The following FAM171A1 variants were observed in gnomAD, a reference collection of about 807,000 sequenced individuals.
FAM171A1 encodes protein FAM171A1.
FAM171A1 carries 23 observed loss-of-function variants against 74.9 expected under a neutral mutation model. That is an observed-to-expected ratio of 0.31 (90% CI 0.22 to 0.44). FAM171A1 has a LOEUF of 0.44. FAM171A1 is among the 20% of genes least tolerant of loss of function. The probability of loss-of-function intolerance (pLI) is 1.00; values close to 1 mark genes in which losing one functional copy is unlikely to be tolerated. For missense variants in FAM171A1, 1,162 were observed against 1,159.2 expected (o/e 1.00, Z -0.03); for synonymous variants, 527 against 505.7 (o/e 1.04, Z -0.57).
At chr10:15,250,971 C>T (rs1229565295) in intron 4 of FAM171A1, among the ~76,000 whole-genome samples, 2 of 152,174 alleles carry the variant, frequency 1.3e-5, no homozygotes, top group Admixed American at 6.5e-5. Flanking sequence ...TCCCTTGTCA[C>T]CTTTCAACTC....
intron 1 of FAM171A1, among the ~76,000 whole-genome samples, chr10:15,294,168 C>T (rs1424175520): frequency 6.6e-6 from 1 of 152,186 alleles, no homozygotes; most frequent in Non-Finnish European, 1.5e-5. Flanking sequence ...TGTGTGCTAC[C>T]CAAAAGCTGT....
chr10:15,364,685 G>C (rs2131892685), intron 1 of FAM171A1, among the ~76,000 whole-genome samples: 1 of 152,346 alleles, frequency 6.6e-6, no homozygotes, highest in Non-Finnish European at 1.5e-5. Flanking sequence ...CTAAAGCCAA[G>C]ATGTCAGCAA....
chr10:15,322,609 T>C (rs1466798393), intron 1 of FAM171A1, among the ~76,000 whole-genome samples: 1 of 152,158 alleles, frequency 6.6e-6, no homozygotes, highest in Non-Finnish European at 1.5e-5. Flanking sequence ...ATAGTAACTG[T>C]TCATGTTTCA....
chr10:15,257,483 C>A (rs547143671), intron 3 of FAM171A1, among the ~76,000 whole-genome samples: 2 of 152,164 alleles, frequency 1.3e-5, no homozygotes, highest in Admixed American at 1.3e-4. Flanking sequence ...CGTGCCTTCT[C>A]GAGCAGATCA....
chr10:15,274,903 C>G (rs1294551317), intron 3 of FAM171A1, among the ~76,000 whole-genome samples: 9 of 152,068 alleles, frequency 5.9e-5, no homozygotes, highest in Non-Finnish European at 1.2e-4. Flanking sequence ...ACATGTACAC[C>G]ATGGAATACT....
intron 4 of FAM171A1, 45 bp from the exon 5 acceptor site, chr10:15,248,860 A>G (rs1166778372): frequency 1.3e-6 from 2 of 1,554,210 alleles, no homozygotes; most frequent in Non-Finnish European, 1.7e-6. Flanking sequence ...CAAAGTACCC[A>G]TGTGGGGCTG....
Position 15,312,268 on chromosome 10 carries a change from G to C in FAM171A1, c.98-28163C>G, listed in dbSNP as rs566224701. Reference sequence around the variant, plus strand: ...GAAAATATGCTTCATAAACAAAGCAGCAAGGTTAGAAATGGAGAGACGCTC... The same window carrying C: ...GAAAATATGCTTCATAAACAAAGCACCAAGGTTAGAAATGGAGAGACGCTC... On this transcript the variant is annotated intron_variant, in intron 1 of 7. Transcript: ENST00000378116. Among the ~76,000 whole-genome samples, 4 of 151,878 alleles carry C rather than the reference G, an allele frequency of 2.6e-5. No individual in the cohort carries two copies. The South Asian group carries it at 6.3e-4, about 24-fold the overall frequency.
At chr10:15,230,220 G>A (rs1388339204) in intron 5 of FAM171A1, among the ~76,000 whole-genome samples, 7 of 152,230 alleles carry the variant, frequency 4.6e-5, no homozygotes, top group South Asian at 2.1e-4. Context: ...TTATGACACT[G>A]TGGGATAGTC....
intron 6 of FAM171A1, among the ~76,000 whole-genome samples, chr10:15,219,627 G>A (rs1834011232): frequency 6.6e-6 from 1 of 152,144 alleles, no homozygotes; most frequent in African/African-American, 2.4e-5. Flanking sequence ...TGTCGCCCAG[G>A]CTGGAGTGCA....
chr10:15,276,403 A>C (rs1834895776), intron 2 of FAM171A1, among the ~76,000 whole-genome samples: 1 of 151,962 alleles, frequency 6.6e-6, no homozygotes, highest in Non-Finnish European at 1.5e-5. Flanking sequence ...CTGGTCTCGA[A>C]CTCCTGACTT....
intron 1 of FAM171A1, among the ~76,000 whole-genome samples, chr10:15,356,176 G>A (rs956325391): frequency 1.3e-5 from 2 of 151,160 alleles, no homozygotes; most frequent in African/African-American, 4.9e-5. Context: ...AAATGAATGT[G>A]CTATATTTTA....
At chr10:15,278,390 A>C (rs916255277) in intron 2 of FAM171A1, among the ~76,000 whole-genome samples, 1 of 151,998 alleles carries the variant, frequency 6.6e-6, no homozygotes, top group Non-Finnish European at 1.5e-5. Flanking sequence ...CAGCAATTCC[A>C]CTCCTACGTA....
chr10:15,236,759 G>C (rs1422108498), intron 5 of FAM171A1, among the ~76,000 whole-genome samples: 3 of 152,156 alleles, frequency 2.0e-5, no homozygotes, highest in African/African-American at 7.2e-5. Context: ...TTTTCACCCA[G>C]GTTAATATTA....
chr10:15,227,978 T>C (rs759628761), intron 5 of FAM171A1, among the ~76,000 whole-genome samples: 3 of 152,196 alleles, frequency 2.0e-5, no homozygotes, highest in Non-Finnish European at 4.4e-5. Flanking sequence ...CAACCAGTAA[T>C]GAAATCTACT....
intron 1 of FAM171A1, among the ~76,000 whole-genome samples, chr10:15,316,079 C>T (rs890584469): frequency 2.6e-5 from 4 of 152,152 alleles, no homozygotes; most frequent in Non-Finnish European, 5.9e-5. Context: ...TATTTTCCTT[C>T]GTCACTAAAC....
intron 3 of FAM171A1, among the ~76,000 whole-genome samples, chr10:15,261,145 G>C (rs952391209): frequency 5.9e-5 from 9 of 152,212 alleles, no homozygotes; most frequent in African/African-American, 1.9e-4. Context: ...TAAAAAGAAT[G>C]CCAATAGTAA....
At chr10:15,354,080 T>C (rs975707117) in intron 1 of FAM171A1, among the ~76,000 whole-genome samples, 2 of 152,188 alleles carry the variant, frequency 1.3e-5, no homozygotes, top group Non-Finnish European at 2.9e-5. Flanking sequence ...AGCCCAGGTG[T>C]GTGCCTGCTG....
intron 1 of FAM171A1, among the ~76,000 whole-genome samples, chr10:15,354,073 C>G (rs1169299210): frequency 6.6e-6 from 1 of 152,168 alleles, no homozygotes; most frequent in Non-Finnish European, 1.5e-5. Context: ...CATGGACAGC[C>G]CAGGTGTGTG....
At chr10:15,312,990 C>T (rs1181183796) in intron 1 of FAM171A1, among the ~76,000 whole-genome samples, 1 of 152,028 alleles carries the variant, frequency 6.6e-6, no homozygotes, top group Admixed American at 6.6e-5. Flanking sequence ...CCACCGTGCC[C>T]GGCCTTGCAC....
Sources: gnomAD v4.1 joint callset for allele counts (sites outside exome capture counted in the v4.1 genomes callset) on GRCh38, gnomAD v4.1.1 for gene constraint, MANE v1.5 for transcripts, NCBI Gene and HGNC (gene_info 2026-07-23, HGNC 2026-07-21) for gene names.